Variants in KLRG1 observed in about 807,000 individuals in gnomAD.
KLRG1 encodes the protein killer cell lectin-like receptor subfamily G member 1.
KLRG1 carries 16 observed loss-of-function variants against 21.8 expected under a neutral mutation model. That is an observed-to-expected ratio of 0.73 (90% CI 0.50 to 1.11). KLRG1 has a LOEUF of 1.11. Among genes scored for constraint, KLRG1 ranks in the 50% most tolerant of loss-of-function variants. The pLI is 0.00. For missense variants in KLRG1, 173 were observed against 218.3 expected, an observed-to-expected ratio of 0.79 and a Z score of 1.31; for synonymous variants, 69 against 75.9, an observed-to-expected ratio of 0.91 and a Z score of 0.47.
the KLRG1 span, chr12:9,101,289 A>G: frequency 4.2e-6 from 6 of 1,441,962 alleles, no homozygotes; most frequent in Non-Finnish European, 5.7e-6. Context: ...TGTTTTATTG[A>G]GTCCCTGCCG....
the KLRG1 span, among the ~76,000 whole-genome samples, chr12:9,087,189 C>T: frequency 6.6e-6 from 1 of 151,998 alleles, no homozygotes; most frequent in Non-Finnish European, 1.5e-5. Flanking sequence ...GTTAAAATGT[C>T]CACACTACCC....
At chr12:8,957,576 A>C (rs752911206) in intron 1 of KLRG1, among the ~76,000 whole-genome samples, 12 of 151,644 alleles carry the variant, frequency 7.9e-5, no homozygotes, top group Non-Finnish European at 1.8e-4. Flanking sequence ...AAGAACCTTC[A>C]CCTTTTTATT....
the KLRG1 span, among the ~76,000 whole-genome samples, chr12:9,129,579 A>AT: frequency 2.8e-3 from 422 of 150,648 alleles, 2 homozygotes; most frequent in South Asian, 0.043. Flanking sequence ...CATTTTACCC[A>AT]TTTTTTTTTC....
chr12:9,090,418 G>A, the KLRG1 span: 2 of 1,613,880 alleles, frequency 1.2e-6, no homozygotes, highest in African/African-American at 1.3e-5. Flanking sequence ...GATGCAGTGA[G>A]GCGCTTGTTC....
the KLRG1 span, chr12:9,068,246 A>G: frequency 1.2e-6 from 2 of 1,601,750 alleles, no homozygotes; most frequent in Non-Finnish European, 8.5e-7. Flanking sequence ...AAAACCAACA[A>G]AAAACCAGAA....
chr12:9,135,046 G>C, the KLRG1 span: 1 of 169,896 alleles, frequency 5.9e-6, no homozygotes, highest in Non-Finnish European at 1.3e-5. Flanking sequence ...GCGTTCCCGG[G>C]CCGCCCCACC....
At chr12:9,025,994 G>C in the KLRG1 span, among the ~76,000 whole-genome samples, 1 of 152,282 alleles carries the variant, frequency 6.6e-6, no homozygotes, top group East Asian at 1.9e-4. Context: ...CGACATTGCT[G>C]GGCAGCCCTG....
chr12:9,125,919 G>C, the KLRG1 span, among the ~76,000 whole-genome samples: 1 of 152,150 alleles, frequency 6.6e-6, no homozygotes, highest in Non-Finnish European at 1.5e-5. Flanking sequence ...ATTTTTAGTA[G>C]AGACGGGGTT....
the KLRG1 span, chr12:9,079,870 A>G: frequency 1.4e-6 from 2 of 1,434,850 alleles, no homozygotes; most frequent in South Asian, 3.3e-5. Flanking sequence ...CATCTATCAA[A>G]GTCATTAAGC....
the KLRG1 span, among the ~76,000 whole-genome samples, chr12:9,090,894 AG>A: frequency 6.6e-6 from 1 of 152,204 alleles, no homozygotes; most frequent in Non-Finnish European, 1.5e-5. Flanking sequence ...AGCTACGAAA[AG>A]TTAAATATAT....
upstream of KLRG1, among the ~76,000 whole-genome samples, chr12:8,988,987 A>T (rs1946893346): frequency 6.6e-6 from 1 of 152,196 alleles, no homozygotes; most frequent in Non-Finnish European, 1.5e-5. Flanking sequence ...TGCATGAAGT[A>T]TAATAATAAA....
rs777186396 is a variant in KLRG1 at position 8,992,569 on chromosome 12, G to A, written c.187+259G>A. Among the ~76,000 whole-genome samples, 21 of 152,146 alleles carry A rather than the reference G, an allele frequency of 1.4e-4. No individual in the cohort carries two copies. In the South Asian group the frequency reaches 1.7e-3, roughly 12 times the overall value. ...TAGATTTGTGTGCTGCTATACCAGC[G>A]GATCCTGTGCCACTGTACAGTCACA... On this transcript the variant is annotated intron_variant, in intron 2 of 4. Coordinates refer to ENST00000356986, the MANE Select transcript of KLRG1 (RefSeq NM_005810.4).
chr12:9,196,906 G>T, the KLRG1 span: 1 of 921,940 alleles, frequency 1.1e-6, no homozygotes, highest in Non-Finnish European at 1.7e-6. Flanking sequence ...TTTGGTGGGG[G>T]ATATTTTGCG....
At chr12:9,036,240 A>C in the KLRG1 span, 1 of 152,286 alleles carries the variant, frequency 6.6e-6, no homozygotes, top group Non-Finnish European at 1.5e-5. Flanking sequence ...ACTTCACGGC[A>C]GCTGTGGCCT....
the KLRG1 span, among the ~76,000 whole-genome samples, chr12:9,207,938 C>T: frequency 6.6e-6 from 1 of 152,178 alleles, no homozygotes; most frequent in Non-Finnish European, 1.5e-5. Context: ...AGTTGCACTT[C>T]ACTATATATT....
the KLRG1 span, among the ~76,000 whole-genome samples, chr12:9,086,252 A>G: frequency 6.6e-6 from 1 of 152,184 alleles, no homozygotes; most frequent in Admixed American, 6.5e-5. Context: ...ATAAAATACT[A>G]GCATAGCAGC....
intron 3 of KLRG1, 148 bp downstream of exon 3, chr12:8,995,436 C>A: frequency 1.4e-6 from 1 of 698,294 alleles, no homozygotes; most frequent in Non-Finnish European, 2.3e-6. Context: ...CCCCTTCCCT[C>A]TTCTTCTCTT....
At chr12:9,195,704 T>A in the KLRG1 span, among the ~76,000 whole-genome samples, 1 of 144,396 alleles carries the variant, frequency 6.9e-6, no homozygotes, top group Non-Finnish European at 1.5e-5. Context: ...TCCTCCCCCC[T>A]TGGCCTCCCA....
At chr12:9,160,303 G>T in the KLRG1 span, 1 of 1,590,648 alleles carries the variant, frequency 6.3e-7, no homozygotes, top group Non-Finnish European at 8.5e-7. Context: ...ATTTTTCTCT[G>T]TCTCACTTAC....
Sources: allele counts gnomAD v4.1 joint callset (sites outside exome capture counted in the v4.1 genomes callset), GRCh38; gene constraint gnomAD v4.1.1; transcripts MANE v1.5; gene names NCBI Gene and HGNC (gene_info 2026-07-23, HGNC 2026-07-21).